The following UNC13C variants were observed in gnomAD, a reference collection of about 807,000 sequenced individuals.
UNC13C encodes unc-13 homolog C.
A neutral mutation model predicts 245.4 loss-of-function variants in UNC13C; 174 were observed. The observed-to-expected ratio is 0.71, with a 90% confidence interval of 0.63 to 0.80. UNC13C has a LOEUF of 0.80. UNC13C is among the 30% of genes least tolerant of loss of function. The pLI, the probability that UNC13C is intolerant of heterozygous loss-of-function variation, is 0.00. For missense variants in UNC13C, 2,829 were observed against 2,602.9 expected (o/e 1.09, Z -1.89); for synonymous variants, 992 against 895.1 (o/e 1.11, Z -1.93).
At chr15:54,446,799 T>A (rs997115218) in intron 19 of UNC13C, among the ~76,000 whole-genome samples, 1 of 152,314 alleles carries the variant, frequency 6.6e-6, no homozygotes, top group African/African-American at 2.4e-5. Flanking sequence ...TCCTGCCTGA[T>A]TGCCCTGGCC....
Position 54,319,572 on chromosome 15 carries a change from T to A in UNC13C, c.4269-2367T>A, listed in dbSNP as rs2140976154. 2.0e-5 allele frequency among the ~76,000 whole-genome samples: 3 copies of A among 152,076 alleles called. No homozygotes were observed. In the South Asian group the frequency reaches 6.2e-4, roughly 31 times the overall value. On this transcript the variant is annotated intron_variant, in intron 13 of 32. Transcript: ENST00000260323. ...AAGATGCACCTTTAAAGATTTAACC[T>A]TTTTTGTTAATCAGTATTATGACAA... is the stretch of plus-strand genomic sequence containing the variant.
chr15:54,618,425 C>T (rs1900581203), intron 30 of UNC13C, among the ~76,000 whole-genome samples: 2 of 152,142 alleles, frequency 1.3e-5, no homozygotes, highest in Non-Finnish European at 2.9e-5. Context: ...CAGGCAAAGC[C>T]TCTCATTAAA....
At chr15:54,279,053 T>C (rs1022346481) in intron 10 of UNC13C, among the ~76,000 whole-genome samples, 1 of 152,206 alleles carries the variant, frequency 6.6e-6, no homozygotes, top group African/African-American at 2.4e-5. Context: ...TATTCAACTT[T>C]AGTTCTTATG....
the UNC13C span, among the ~76,000 whole-genome samples, chr15:53,870,504 A>C: frequency 2.0e-5 from 3 of 149,970 alleles, no homozygotes; most frequent in Non-Finnish European, 3.0e-5. Context: ...ATTACAGAGC[A>C]ACAAGGCAGA....
At chr15:54,303,743 G>A (rs934097182) in intron 13 of UNC13C, among the ~76,000 whole-genome samples, 1 of 151,732 alleles carries the variant, frequency 6.6e-6, no homozygotes. Flanking sequence ...TCGGGGCACA[G>A]CTTGGTTTTA....
intron 1 of UNC13C, among the ~76,000 whole-genome samples, chr15:53,980,929 A>G (rs1893900794): frequency 1.3e-5 from 2 of 152,200 alleles, no homozygotes; most frequent in African/African-American, 4.8e-5. Flanking sequence ...TAGTTGCTTA[A>G]GAGCCCATGG....
chr15:54,622,102 C>T (rs989902002), intron 30 of UNC13C, among the ~76,000 whole-genome samples: 37 of 152,160 alleles, frequency 2.4e-4, no homozygotes, highest in Middle Eastern at 3.2e-3. Context: ...CTTAGGATTT[C>T]TGCAGGCCCA....
chr15:54,461,510 G>A (rs1002155446), intron 19 of UNC13C, among the ~76,000 whole-genome samples: 1 of 152,098 alleles, frequency 6.6e-6, no homozygotes, highest in Non-Finnish European at 1.5e-5. Context: ...ATTTATATAT[G>A]TGTGATGTTC....
chr15:54,208,484 G>A (rs2034783718), intron 4 of UNC13C, among the ~76,000 whole-genome samples: 1 of 152,108 alleles, frequency 6.6e-6, no homozygotes, highest in Non-Finnish European at 1.5e-5. Flanking sequence ...AGGATTTATT[G>A]AGCAGCTACT....
At chr15:54,183,062 T>G (rs549835799) in intron 4 of UNC13C, among the ~76,000 whole-genome samples, 1 of 151,928 alleles carries the variant, frequency 6.6e-6, no homozygotes, top group South Asian at 2.1e-4. Context: ...TTCAAGCTAG[T>G]AGAGGAGAAA....
At chr15:54,272,665 C>G (rs1051278995) in intron 10 of UNC13C, among the ~76,000 whole-genome samples, 4 of 151,904 alleles carry the variant, frequency 2.6e-5, no homozygotes, top group Non-Finnish European at 4.4e-5. Context: ...GTGATTATGT[C>G]TAGCAGCAGG....
intron 11 of UNC13C, among the ~76,000 whole-genome samples, chr15:54,295,241 A>T (rs2037398522): frequency 6.6e-6 from 1 of 152,208 alleles, no homozygotes; most frequent in South Asian, 2.1e-4. Flanking sequence ...TTCTTTATGA[A>T]AGAGGTTTAT....
At position 54,511,019 on chromosome 15, in the gene UNC13C, A is replaced by G. The variant is rs544289589; in HGVS notation, c.5380-734A>G. Among the ~76,000 whole-genome samples the G allele has an allele frequency of 3.3e-5, 5 of 152,268 alleles. No individual in the cohort carries two copies. The South Asian group carries it at 1.0e-3, about 32-fold the overall frequency. ...ACAAGTGGAGAAACATTTTCTAAGC[A>G]TGTATTATATGTACACCACTGTGCA... On this transcript the variant is annotated intron_variant, in intron 23 of 32. Coordinates refer to ENST00000260323, the MANE Select transcript of UNC13C (RefSeq NM_001080534.3).
At chr15:53,873,959 C>G in the UNC13C span, among the ~76,000 whole-genome samples, 1 of 101,002 alleles carries the variant, frequency 9.9e-6, no homozygotes, top group African/African-American at 3.7e-5. Context: ...TTCCTTCCTT[C>G]CTTCCTTCCT....
At chr15:54,202,927 G>A (rs954710391) in intron 4 of UNC13C, among the ~76,000 whole-genome samples, 5 of 151,768 alleles carry the variant, frequency 3.3e-5, no homozygotes, top group Non-Finnish European at 5.9e-5. Context: ...ATCCGACAAA[G>A]GACTAATATC....
chr15:54,511,779 A>G lies in UNC13C; in HGVS notation c.5406A>G (p.Gln1802=), dbSNP rs1270236277. Residue 1802 remains glutamine, a synonymous_variant, in exon 24 of 33, where the codon CAA becomes CAG. Coordinates refer to ENST00000260323, the MANE Select transcript of UNC13C (RefSeq NM_001080534.3). ...CCTGTATCTTGATGAACAATATTCA[A>G]CAATTGCGGGTCCAGCTGGAAAAAA... The part of the protein sequence containing the change: ...NVPCILMNNI[Q]QLRVQLEKMF... The G allele has an allele frequency of 6.2e-7, 1 of 1,609,930 alleles. No homozygotes were observed.
chr15:54,492,759 C>T (rs1384632701), intron 19 of UNC13C, among the ~76,000 whole-genome samples: 1 of 152,160 alleles, frequency 6.6e-6, no homozygotes, highest in Non-Finnish European at 1.5e-5. Context: ...CTCAGTGCTT[C>T]CAGAGCACAA....
intron 2 of UNC13C, among the ~76,000 whole-genome samples, chr15:54,079,226 G>C (rs1478431831): frequency 6.6e-6 from 1 of 152,066 alleles, no homozygotes; most frequent in Non-Finnish European, 1.5e-5. Flanking sequence ...TTGTAGTATA[G>C]TTTGAAGTCA....
the UNC13C span, among the ~76,000 whole-genome samples, chr15:53,907,972 A>G: frequency 6.8e-6 from 1 of 147,070 alleles, no homozygotes; most frequent in Non-Finnish European, 1.5e-5. Flanking sequence ...ATTTTCATAG[A>G]TAATATTTTA....
Sources: gnomAD v4.1 joint callset for allele counts (sites outside exome capture counted in the v4.1 genomes callset) on GRCh38, gnomAD v4.1.1 for gene constraint, MANE v1.5 for transcripts, NCBI Gene and HGNC (gene_info 2026-07-23, HGNC 2026-07-21) for gene names.